THUMPD2: variants seen among roughly 807,000 people sequenced by gnomAD.
The protein encoded by THUMPD2 is U6 snRNA (guanine-N(2))-methyltransferase THUMPD2.
Under a neutral mutation model 49.4 loss-of-function variants are expected in THUMPD2, and 56 were observed. The ratio of observed to expected loss-of-function variants is 1.13; its 90% CI spans 0.91 to 1.41. The LOEUF (loss-of-function observed/expected upper bound fraction) is 1.41. Ranked by LOEUF, THUMPD2 falls within the 40% of genes most tolerant of loss-of-function variation. THUMPD2 has a pLI of 0.00. For missense variants in THUMPD2, 709 were observed against 594.5 expected, an observed-to-expected ratio of 1.19 and a Z score of -2.00; for synonymous variants, 237 against 205.2, an observed-to-expected ratio of 1.15 and a Z score of -1.32.
At chr2:39,756,007 C>A (rs367847707) in intron 6 of THUMPD2, 47 bp from the exon 7 acceptor site, 3 of 1,533,408 alleles carry the variant, frequency 2.0e-6, no homozygotes, top group South Asian at 2.3e-5. Context: ...TACCATAGTA[C>A]GTACTATAAA....
intron 9 of THUMPD2, among the ~76,000 whole-genome samples, chr2:39,741,668 G>A (rs527617785): frequency 6.6e-6 from 1 of 152,290 alleles, no homozygotes; most frequent in East Asian, 1.9e-4. Context: ...CATAGCTCAT[G>A]CCACCAGAGT....
At chr2:39,741,057 T>C (rs1403835001) in intron 9 of THUMPD2, among the ~76,000 whole-genome samples, 1 of 152,134 alleles carries the variant, frequency 6.6e-6, no homozygotes, top group African/African-American at 2.4e-5. Context: ...TATAAAGCAA[T>C]GTTTACCAAA....
At chr2:39,758,736 T>A (rs540401500) in intron 6 of THUMPD2, among the ~76,000 whole-genome samples, 84 of 150,660 alleles carry the variant, frequency 5.6e-4, no homozygotes, top group Middle Eastern at 3.4e-3. Flanking sequence ...ATTTTAGTCC[T>A]AGTGAGCTAA....
chr2:39,751,028 C>T (rs1675330511), intron 8 of THUMPD2, among the ~76,000 whole-genome samples: 1 of 152,224 alleles, frequency 6.6e-6, no homozygotes, highest in Admixed American at 6.5e-5. Flanking sequence ...GCAGCAAGAA[C>T]ATGTGAACTA....
chr2:39,736,671 C>G lies in THUMPD2; in HGVS notation c.*64G>C, dbSNP rs2148136913. Reference sequence around the variant, plus strand: ...GTGGGTGCTATATGAATCCTAGAGACAGCAAACTTCTGCTGTACAGCTAAC... The same window carrying G: ...GTGGGTGCTATATGAATCCTAGAGAGAGCAAACTTCTGCTGTACAGCTAAC... On this transcript the variant is annotated 3_prime_UTR_variant, in exon 10 of 10. Transcript: ENST00000505747. 5 of 1,454,516 alleles carry G rather than the reference C, an allele frequency of 3.4e-6. No individual in the cohort carries two copies. The South Asian group carries it at 5.5e-5, about 16-fold the overall frequency. The allele number at this position is 1,454,516 out of a possible 1,614,324, so 90.1% of individuals were successfully genotyped here.
At chr2:39,758,725 C>G (rs1173173124) in intron 6 of THUMPD2, among the ~76,000 whole-genome samples, 1 of 150,688 alleles carries the variant, frequency 6.6e-6, no homozygotes, top group Non-Finnish European at 1.5e-5. Flanking sequence ...TTAACAGTCA[C>G]ATTTTAGTCC....
chr2:39,767,002 C>T (rs951105441), intron 4 of THUMPD2, among the ~76,000 whole-genome samples: 4 of 152,172 alleles, frequency 2.6e-5, no homozygotes, highest in Non-Finnish European at 5.9e-5. Context: ...GTTCATATAT[C>T]AAATGTTATT....
At chr2:39,748,727 C>T (rs894294336) in intron 8 of THUMPD2, among the ~76,000 whole-genome samples, 9 of 152,020 alleles carry the variant, frequency 5.9e-5, no homozygotes, top group African/African-American at 2.2e-4. Flanking sequence ...GGGTGGCTCA[C>T]ACCTGTAATC....
intron 8 of THUMPD2, among the ~76,000 whole-genome samples, chr2:39,751,680 G>C (rs535167609): frequency 8.9e-6 from 1 of 111,912 alleles, no homozygotes; most frequent in Non-Finnish European, 1.8e-5. Flanking sequence ...CATATTAAAA[G>C]ATTTTTTTTT....
In THUMPD2 at chr2:39,768,520, A is replaced by G. The variant is rs977832950; in HGVS notation, c.673-19T>C. The G allele has an allele frequency of 6.3e-7, 1 of 1,587,890 alleles. No homozygotes were observed. The highest frequency in any genetic ancestry group is 8.6e-7 in the Non-Finnish European group (1 of 1,162,628). ...CTACCTCCTGGAAAAGTACCAAGTTAAAGAAAAGAATACTAAAAATGAAAA... is the reference window on the plus strand; with the variant it reads ...CTACCTCCTGGAAAAGTACCAAGTTGAAGAAAAGAATACTAAAAATGAAAA... On this transcript the variant is annotated intron_variant, in intron 3 of 9. Transcript: ENST00000505747.
intron 7 of THUMPD2, among the ~76,000 whole-genome samples, chr2:39,755,657 G>A (rs185047370): frequency 6.6e-6 from 1 of 152,162 alleles, no homozygotes; most frequent in East Asian, 1.9e-4. Context: ...GTATAATCTA[G>A]GTCATGACTA....
chr2:39,776,637 C>T (rs1236567649), intron 1 of THUMPD2, among the ~76,000 whole-genome samples: 3 of 152,102 alleles, frequency 2.0e-5, no homozygotes, highest in African/African-American at 4.8e-5. Flanking sequence ...GTAATCTGCC[C>T]GGCTTGGCCT....
intron 8 of THUMPD2, among the ~76,000 whole-genome samples, chr2:39,750,580 G>T (rs944051902): frequency 1.3e-5 from 2 of 152,096 alleles, no homozygotes; most frequent in African/African-American, 4.8e-5. Flanking sequence ...GATGGTGTGT[G>T]CCTGTAATCC....
chr2:39,763,888 T>C (rs114742258), intron 5 of THUMPD2, among the ~76,000 whole-genome samples: 4,113 of 152,280 alleles, frequency 0.027, 76 homozygotes, highest in South Asian at 0.039. Flanking sequence ...AACTTCCTTA[T>C]ACATACTTAA....
intron 1 of THUMPD2, among the ~76,000 whole-genome samples, chr2:39,778,280 A>G (rs979805154): frequency 2.6e-5 from 4 of 152,384 alleles, no homozygotes; most frequent in African/African-American, 7.2e-5. Context: ...TCAATACTCT[A>G]TTAAATTCTG....
At chr2:39,759,707 T>A (rs928305348) in intron 6 of THUMPD2, among the ~76,000 whole-genome samples, 3 of 152,224 alleles carry the variant, frequency 2.0e-5, no homozygotes, top group Non-Finnish European at 4.4e-5. Flanking sequence ...CCCACTGGCA[T>A]GGTCTGCTCA....
At chr2:39,754,805 T>C (rs934354363) in intron 8 of THUMPD2, among the ~76,000 whole-genome samples, 1 of 152,226 alleles carries the variant, frequency 6.6e-6, no homozygotes, top group Non-Finnish European at 1.5e-5. Context: ...CTCCAGACTT[T>C]GCTGATTTTA....
Position 39,765,246 on chromosome 2 carries a change from G to A in THUMPD2, c.803+811C>T, listed in dbSNP as rs200585796. Among the ~76,000 whole-genome samples, 34 of 152,016 alleles carry A rather than the reference G, an allele frequency of 2.2e-4. No homozygotes were observed. In the East Asian group the frequency reaches 4.7e-3, roughly 21 times the overall value. On this transcript the variant is annotated intron_variant, in intron 5 of 9. Transcript: ENST00000505747. ...ATGATTCTGGCTCATGGCCACCTCC[G>A]CCTCCTGGGTTCAAGTGATTCTCCT...
At chr2:39,748,722 G>A (rs1674947795) in intron 8 of THUMPD2, among the ~76,000 whole-genome samples, 2 of 151,968 alleles carry the variant, frequency 1.3e-5, no homozygotes, top group South Asian at 4.1e-4. Context: ...GTATGGGGTG[G>A]CTCACACCTG....
Sources: allele counts gnomAD v4.1 joint callset (sites outside exome capture counted in the v4.1 genomes callset), GRCh38; gene constraint gnomAD v4.1.1; transcripts MANE v1.5; gene names NCBI Gene and HGNC (gene_info 2026-07-23, HGNC 2026-07-21).